Variants in FHIP1A observed in about 807,000 individuals in gnomAD.
The protein encoded by FHIP1A is FHF complex subunit HOOK interacting protein 1A.
FHIP1A carries 61 observed loss-of-function variants against 88.6 expected under a neutral mutation model. That is an observed-to-expected ratio of 0.69 (90% CI 0.56 to 0.85). FHIP1A has a LOEUF of 0.85. Ranked by LOEUF, FHIP1A falls within the 40% of genes least tolerant of loss-of-function variation. The pLI is 0.00. For synonymous variants in FHIP1A, 478 were observed against 496.0 expected, an observed-to-expected ratio of 0.96 and a Z score of 0.48; for missense variants, 1,154 against 1,273.5, an observed-to-expected ratio of 0.91 and a Z score of 1.43.
chr4:151,427,487 A>C (rs2035066523), intron 1 of FHIP1A, among the ~76,000 whole-genome samples: 1 of 152,184 alleles, frequency 6.6e-6, no homozygotes, highest in African/African-American at 2.4e-5. Flanking sequence ...GCTGTGGTAC[A>C]AATTGTTCTC....
At chr4:151,523,432 C>A (rs1731516382) in intron 3 of FHIP1A, among the ~76,000 whole-genome samples, 1 of 152,104 alleles carries the variant, frequency 6.6e-6, no homozygotes, top group African/African-American at 2.4e-5. Context: ...TGGAGGGCTC[C>A]CCATAAGTGA....
At chr4:151,651,737 G>C (rs1737037975) in intron 11 of FHIP1A, among the ~76,000 whole-genome samples, 1 of 152,170 alleles carries the variant, frequency 6.6e-6, no homozygotes, top group Non-Finnish European at 1.5e-5. Flanking sequence ...AGGTTTATGT[G>C]ATTTCAAGGA....
intron 3 of FHIP1A, among the ~76,000 whole-genome samples, chr4:151,494,514 C>T (rs1730392002): frequency 6.6e-6 from 1 of 152,062 alleles, no homozygotes; most frequent in Non-Finnish European, 1.5e-5. Flanking sequence ...GCTCTCTATT[C>T]TGTTCCATTG....
intron 1 of FHIP1A, among the ~76,000 whole-genome samples, chr4:151,419,424 A>G (rs1444825378): frequency 6.6e-6 from 1 of 152,048 alleles, no homozygotes; most frequent in African/African-American, 2.4e-5. Context: ...ACTTCCTTAT[A>G]ATAAGTCTCT....
intron 8 of FHIP1A, among the ~76,000 whole-genome samples, chr4:151,636,644 G>A (rs1381779927): frequency 2.0e-5 from 3 of 151,970 alleles, no homozygotes; most frequent in Admixed American, 1.3e-4. Flanking sequence ...CAAAACTTGT[G>A]CTGCAAAAAC....
intron 7 of FHIP1A, among the ~76,000 whole-genome samples, chr4:151,602,308 A>G (rs537558157): frequency 2.0e-5 from 3 of 152,326 alleles, no homozygotes; most frequent in East Asian, 3.9e-4. Context: ...GCCATCTCAT[A>G]TGCAGTAAAA....
At chr4:151,441,240 A>C (rs533915263) in intron 1 of FHIP1A, among the ~76,000 whole-genome samples, 22 of 152,260 alleles carry the variant, frequency 1.4e-4, no homozygotes, top group African/African-American at 5.3e-4. Flanking sequence ...CATGGTACAA[A>C]ATTGACTTAA....
chr4:151,544,937 G>A (rs192386761), intron 3 of FHIP1A, among the ~76,000 whole-genome samples: 10 of 152,214 alleles, frequency 6.6e-5, no homozygotes, highest in Non-Finnish European at 7.4e-5. Context: ...AATTAGCCAG[G>A]TGTGGTAGTG....
intron 3 of FHIP1A, among the ~76,000 whole-genome samples, chr4:151,484,744 TAGC>T (rs1171250379): frequency 6.6e-6 from 1 of 152,224 alleles, no homozygotes; most frequent in Non-Finnish European, 1.5e-5. Flanking sequence ...GTGAGACAAA[TAGC>T]AGGTGGATAG....
chr4:151,585,905 T>C (rs1303516754), intron 5 of FHIP1A, among the ~76,000 whole-genome samples: 1 of 152,162 alleles, frequency 6.6e-6, no homozygotes, highest in Non-Finnish European at 1.5e-5. Flanking sequence ...CATGTGATGC[T>C]CAAATTTTAT....
intron 3 of FHIP1A, among the ~76,000 whole-genome samples, chr4:151,521,157 C>A (rs539173352): frequency 6.6e-6 from 1 of 152,204 alleles, no homozygotes; most frequent in African/African-American, 2.4e-5. Flanking sequence ...TAAAATTATA[C>A]CACTGCATGA....
intron 7 of FHIP1A, among the ~76,000 whole-genome samples, chr4:151,594,941 A>G (rs1734591108): frequency 6.6e-6 from 1 of 152,018 alleles, no homozygotes; most frequent in African/African-American, 2.4e-5. Context: ...CCTGGCTAGC[A>G]GTCTATCTAT....
chr4:151,575,293 T>A (rs1733745251), intron 4 of FHIP1A, among the ~76,000 whole-genome samples: 1 of 152,204 alleles, frequency 6.6e-6, no homozygotes, highest in Non-Finnish European at 1.5e-5. Context: ...TTAGGGACTT[T>A]TGGGGCTGGA....
chr4:151,412,725 C>A (rs1208789938), intron 1 of FHIP1A, among the ~76,000 whole-genome samples: 5 of 144,872 alleles, frequency 3.5e-5, no homozygotes, highest in Non-Finnish European at 7.5e-5. Flanking sequence ...GCTCTTGTTG[C>A]CTAGGCTGGA....
At chr4:151,574,199 A>G (rs1393044698) in intron 4 of FHIP1A, among the ~76,000 whole-genome samples, 1 of 152,252 alleles carries the variant, frequency 6.6e-6, no homozygotes, top group East Asian at 1.9e-4. Context: ...TACATTGGTT[A>G]TAACACACCC....
At chr4:151,550,227 T>C (rs1732671738) in intron 3 of FHIP1A, among the ~76,000 whole-genome samples, 1 of 152,144 alleles carries the variant, frequency 6.6e-6, no homozygotes, top group African/African-American at 2.4e-5. Context: ...CATTCATCCT[T>C]CATGTTACAA....
Position 151,650,337 on chromosome 4 carries a change from G to A in FHIP1A, c.2296G>A (p.Ala766Thr), listed in dbSNP as rs1736979001. 7 of 1,551,572 alleles carry A rather than the reference G, an allele frequency of 4.5e-6. No individual in the cohort carries two copies. Among genetic ancestry groups the A allele is most frequent in the Middle Eastern group, 1.7e-4 (1 of 6,014 alleles). ...DQIIKELDSG[A>T]EGLMEQNYPT... is the part of the protein sequence containing the mutation. ...AATCATTAAAGAGCTGGATTCCGGC[G>A]CCGAGGGCTTGATGGAACAGAATTA... The change falls in exon 11 of 14, where the codon GCC becomes ACC. Residue 766 changes from alanine to threonine, a missense_variant. Coordinates refer to ENST00000435205, the MANE Select transcript of FHIP1A (RefSeq NM_001109977.3).
chr4:151,570,253 C>G (rs1733548071), intron 4 of FHIP1A, among the ~76,000 whole-genome samples: 1 of 152,194 alleles, frequency 6.6e-6, no homozygotes, highest in Admixed American at 6.5e-5. Flanking sequence ...TTTCATCCCT[C>G]TGTGCCTTAG....
intron 1 of FHIP1A, among the ~76,000 whole-genome samples, chr4:151,412,809 C>T (rs1463966218): frequency 2.0e-5 from 3 of 150,944 alleles, no homozygotes; most frequent in Admixed American, 6.6e-5. Flanking sequence ...CTCAGCCTCC[C>T]GAGTAGCTAG....
Sources: allele counts gnomAD v4.1 joint callset (sites outside exome capture counted in the v4.1 genomes callset), GRCh38; gene constraint gnomAD v4.1.1; transcripts MANE v1.5; gene names NCBI Gene and HGNC (gene_info 2026-07-23, HGNC 2026-07-21).